The following HACD2 variants were observed in gnomAD, a reference collection of about 807,000 sequenced individuals.
HACD2 encodes the protein 3-hydroxyacyl-CoA dehydratase 2, also known as very-long-chain (3R)-3-hydroxyacyl-CoA dehydratase 2.
In HACD2, 15 loss-of-function variants were observed where a neutral mutation model predicts 31.0. The observed-to-expected ratio is 0.48, with a 90% CI of 0.32 to 0.75. The LOEUF is 0.75. HACD2 is among the 30% of genes least tolerant of loss of function. HACD2 has a pLI of 0.03. For missense variants in HACD2, 283 were observed against 313.0 expected (o/e 0.90, Z 0.72); for synonymous variants, 115 against 122.2 (o/e 0.94, Z 0.39).
At chr3:123,537,043 AT>A (rs2056434696) in intron 3 of HACD2, among the ~76,000 whole-genome samples, 1 of 152,224 alleles carries the variant, frequency 6.6e-6, no homozygotes, top group Non-Finnish European at 1.5e-5. Flanking sequence ...CCATTCAAAT[AT>A]AATATTAAGA....
intron 6 of HACD2, 60 bp from the exon 7 acceptor site, chr3:123,495,030 A>AATAG: frequency 9.7e-7 from 1 of 1,034,526 alleles, no homozygotes; most frequent in Non-Finnish European, 1.4e-6. Flanking sequence ...GCTCTATTTA[A>AATAG]AGCATATGAA....
chr3:123,534,864 A>T (rs2056407166), intron 3 of HACD2, among the ~76,000 whole-genome samples: 1 of 151,802 alleles, frequency 6.6e-6, no homozygotes, highest in African/African-American at 2.4e-5. Context: ...AATTAAAAAT[A>T]GGAGAAAGCT....
intron 2 of HACD2, among the ~76,000 whole-genome samples, chr3:123,570,917 T>TACACACACACACACACAC (rs149856963): frequency 0.021 from 3,094 of 144,744 alleles, 92 homozygotes; most frequent in Admixed American, 0.081. Context: ...TTCATACCAT[T>TACACACACACACACACAC]ACACACACAC....
intron 2 of HACD2, among the ~76,000 whole-genome samples, chr3:123,570,913 C>CACACA (rs1174447945): frequency 6.9e-6 from 1 of 145,124 alleles, no homozygotes; most frequent in African/African-American, 2.8e-5. Context: ...AGATTTCATA[C>CACACA]CATTACACAC....
At chr3:123,520,321 A>C (rs1299300331) in intron 4 of HACD2, among the ~76,000 whole-genome samples, 1 of 152,260 alleles carries the variant, frequency 6.6e-6, no homozygotes, top group South Asian at 2.1e-4. Flanking sequence ...TCACATACAC[A>C]TAAGATAAAA....
At chr3:123,553,769 T>A (rs932346438) in intron 3 of HACD2, among the ~76,000 whole-genome samples, 1 of 152,068 alleles carries the variant, frequency 6.6e-6, no homozygotes, top group Non-Finnish European at 1.5e-5. Context: ...AAGAGGGTGT[T>A]CTGGCTATTG....
At chr3:123,524,312 G>A (rs566081724) in intron 4 of HACD2, among the ~76,000 whole-genome samples, 19 of 152,324 alleles carry the variant, frequency 1.2e-4, no homozygotes, top group African/African-American at 1.7e-4. Flanking sequence ...TGGAATATGC[G>A]TTTTTAATAA....
chr3:123,509,769 G>C (rs1336591850), intron 4 of HACD2, among the ~76,000 whole-genome samples: 2 of 152,036 alleles, frequency 1.3e-5, no homozygotes, highest in East Asian at 3.9e-4. Flanking sequence ...AAAGTACTGG[G>C]ATTACAGGTG....
rs116802071 is a variant in HACD2, at chr3:123,537,110, A to G, written c.293-8636T>C. On this transcript the variant is annotated intron_variant, in intron 3 of 6. Coordinates refer to ENST00000383657, the MANE Select transcript of HACD2 (RefSeq NM_198402.5). ...CTATATTATAAATGCTATGAACAAT[A>G]ATAAATTAATAACAATTTAAAAATA... Among the ~76,000 whole-genome samples, 1,385 of 152,360 alleles carry G rather than the reference A, an allele frequency of 9.1e-3. 19 individuals carry two copies. The highest frequency in any genetic ancestry group is 0.028 in the African/African-American group (1,173 of 41,574).
chr3:123,563,640 TATATACACACACACAC>T (rs766020799), intron 3 of HACD2, among the ~76,000 whole-genome samples: 31 of 91,236 alleles, frequency 3.4e-4, no homozygotes, highest in Admixed American at 1.1e-3. Flanking sequence ...CAAAAAAATA[TATATACACACACACAC>T]ACACACACAC....
In HACD2 at chr3:123,502,519, G is replaced by A. The variant is rs777530441; in HGVS notation, c.503+41C>T. On this transcript the variant is annotated intron_variant, in intron 5 of 6. Transcript: ENST00000383657. ...GCAATAAAGGGCAAATTCAATGACA[G>A]ATCATTTCAAAAGTGAGCCTTTTGA... The A allele has an allele frequency of 2.6e-5, 42 of 1,596,654 alleles. No individual in the cohort carries two copies. In the South Asian group the frequency reaches 4.6e-4, roughly 18 times the overall value.
intron 3 of HACD2, among the ~76,000 whole-genome samples, chr3:123,562,669 C>T (rs962434087): frequency 1.3e-5 from 2 of 152,134 alleles, no homozygotes; most frequent in African/African-American, 4.8e-5. Flanking sequence ...GGTAGGTATT[C>T]TTATCCCCCT....
At chr3:123,508,356 C>T (rs370251242) in intron 4 of HACD2, among the ~76,000 whole-genome samples, 1 of 152,124 alleles carries the variant, frequency 6.6e-6, no homozygotes, top group African/African-American at 2.4e-5. Flanking sequence ...TGGGTGTAGG[C>T]GGCTTGTGTA....
At chr3:123,567,729 C>T in intron 3 of HACD2, 33 bp downstream of exon 3, 7 of 1,324,206 alleles carry the variant, frequency 5.3e-6, no homozygotes, top group Non-Finnish European at 7.1e-6. Flanking sequence ...GCAGAATTCA[C>T]TGTACATAGT....
intron 5 of HACD2, 82 bp from the exon 6 acceptor site, chr3:123,500,775 A>G: frequency 2.6e-6 from 2 of 776,700 alleles, no homozygotes; most frequent in Admixed American, 3.1e-5. Flanking sequence ...TCTAATCAGT[A>G]CTGGTCTTTT....
In HACD2 at chr3:123,502,589, G is replaced by T; in HGVS notation, c.474C>A (p.Asn158Lys). The T allele has an allele frequency of 1.2e-6, 2 of 1,611,788 alleles. No individual in the cohort carries two copies. Among genetic ancestry groups the T allele is most frequent in the Non-Finnish European group, 1.7e-6 (2 of 1,179,004 alleles). ...CCCATTTGATGAGGTAAGGCAGATG[G>T]TTTAATAGACTGAATGTATAAAAGG... The part of the protein sequence containing the change: ...RYSFYTFSLL[N>K]HLPYLIKWAR... Residue 158 changes from asparagine to lysine, a missense_variant, in exon 5 of 7, where the codon AAC becomes AAA. By Grantham distance (94) the Asn-to-Lys change is moderately conservative (BLOSUM62 0). Coordinates refer to ENST00000383657, the MANE Select transcript of HACD2 (RefSeq NM_198402.5).
rs368372665 is a variant in HACD2 at position 123,523,222 on chromosome 3, A to G, written c.381+5164T>C. Among the ~76,000 whole-genome samples the G allele has an allele frequency of 8.5e-5, 13 of 152,338 alleles. 1 individual carries two copies. The East Asian group carries it at 1.4e-3, about 16-fold the overall frequency. ...AAGCAGGGGCATTAGGACATTATGT[A>G]TCTGGTGTTTTGGCTTCTACAAGAG... On this transcript the variant is annotated intron_variant, in intron 4 of 6. Coordinates refer to ENST00000383657, the MANE Select transcript of HACD2 (RefSeq NM_198402.5).
chr3:123,566,664 A>G (rs1306490735), intron 3 of HACD2, among the ~76,000 whole-genome samples: 1 of 151,634 alleles, frequency 6.6e-6, no homozygotes, highest in Non-Finnish European at 1.5e-5. Context: ...TGGGAGGCCA[A>G]GGTGGGTGGA....
chr3:123,498,936 A>T (rs1431994010), intron 6 of HACD2, among the ~76,000 whole-genome samples: 2 of 152,216 alleles, frequency 1.3e-5, no homozygotes, highest in Admixed American at 1.3e-4. Context: ...AGAGACAAAC[A>T]TGCAGACAGA....
Sources: gnomAD v4.1 joint callset for allele counts (sites outside exome capture counted in the v4.1 genomes callset) on GRCh38, gnomAD v4.1.1 for gene constraint, MANE v1.5 for transcripts, NCBI Gene and HGNC (gene_info 2026-07-23, HGNC 2026-07-21) for gene names.